The following ATP10A variants were observed in gnomAD, a reference collection of about 807,000 sequenced individuals.
The protein encoded by ATP10A is ATPase phospholipid transporting 10A (putative).
A neutral mutation model predicts 147.8 loss-of-function variants in ATP10A; 111 were observed. The observed-to-expected ratio is 0.75, with a 90% CI of 0.64 to 0.88. The LOEUF is 0.88. Among genes scored for constraint, ATP10A ranks in the 40% least tolerant of loss-of-function variants. The pLI, the probability that ATP10A is intolerant of heterozygous loss-of-function variation, is 0.00. For missense variants in ATP10A, 1,927 were observed against 1,959.0 expected, an observed-to-expected ratio of 0.98 and a Z score of 0.31; for synonymous variants, 875 against 841.6, an observed-to-expected ratio of 1.04 and a Z score of -0.69.
intron 1 of ATP10A, among the ~76,000 whole-genome samples, chr15:25,846,401 G>A (rs941726458): frequency 1.3e-5 from 2 of 152,190 alleles, no homozygotes; most frequent in African/African-American, 2.4e-5. Context: ...TGTGCCAGTG[G>A]AGCACAGCTC....
chr15:25,862,263 C>G (rs1490553678), intron 1 of ATP10A: 3 of 482,528 alleles, frequency 6.2e-6, no homozygotes, highest in Admixed American at 4.6e-5. Context: ...TGTGCCTGGC[C>G]GAAGACTGAG....
intron 1 of ATP10A, among the ~76,000 whole-genome samples, chr15:25,818,277 A>C (rs1448964743): frequency 2.0e-5 from 3 of 152,146 alleles, no homozygotes; most frequent in African/African-American, 7.2e-5. Context: ...AAAAGTCAAA[A>C]TATTTGCTCT....
intron 4 of ATP10A, among the ~76,000 whole-genome samples, chr15:25,726,465 G>T (rs536566139): frequency 2.0e-5 from 3 of 146,596 alleles, no homozygotes; most frequent in Non-Finnish European, 3.0e-5. Context: ...TTTTTGAGAT[G>T]GAGTCTTACT....
chr15:25,739,937 C>T (rs1887491634), intron 2 of ATP10A, among the ~76,000 whole-genome samples: 1 of 152,154 alleles, frequency 6.6e-6, no homozygotes, highest in African/African-American at 2.4e-5. Context: ...AGCAGGTGCT[C>T]CAGGGATGCC....
chr15:25,816,578 G>T (rs1470551264), intron 1 of ATP10A, among the ~76,000 whole-genome samples: 2 of 152,094 alleles, frequency 1.3e-5, no homozygotes, highest in South Asian at 2.1e-4. Context: ...CACAAGTACT[G>T]CCATTCCTTT....
chr15:25,721,358 G>A (rs928718032), intron 7 of ATP10A, among the ~76,000 whole-genome samples: 1 of 152,180 alleles, frequency 6.6e-6, no homozygotes, highest in African/African-American at 2.4e-5. Flanking sequence ...GGATGCCTTG[G>A]GAGTGAGCTC....
intron 2 of ATP10A, among the ~76,000 whole-genome samples, chr15:25,774,328 A>G (rs544038264): frequency 1.3e-5 from 2 of 152,350 alleles, no homozygotes; most frequent in Non-Finnish European, 2.9e-5. Context: ...TAATGCCAGC[A>G]CTTTGGGAGG....
At position 25,691,721 on chromosome 15, in the gene ATP10A, A is replaced by G. The variant is rs1900046177; in HGVS notation, c.3159T>C (p.Gly1053=). The G allele has an allele frequency of 6.2e-7, 1 of 1,614,000 alleles. No individual in the cohort carries two copies. Among genetic ancestry groups the G allele is most frequent in the Non-Finnish European group, 8.5e-7 (1 of 1,180,040 alleles). The change falls in exon 15 of 21, where the codon GGT becomes GGC. Residue 1053 remains glycine, a synonymous_variant. Coordinates refer to ENST00000555815, the MANE Select transcript of ATP10A (RefSeq NM_024490.4). ...DVGVGISGQE[G]MQAVMASDFA... is the part of the protein sequence containing the mutation. ...TAGCCTGATTGGTCTTTACCTGCAT[A>G]CCCTCCTGGCCGGAGATTCCCACAC...
intron 1 of ATP10A, among the ~76,000 whole-genome samples, chr15:25,823,421 T>C (rs78421783): frequency 0.018 from 2,719 of 152,306 alleles, 114 homozygotes; most frequent in East Asian, 0.14. Context: ...AAAAACAAAG[T>C]GGCCTGCACA....
In ATP10A at chr15:25,694,984, C is replaced by T. The variant is rs145254417; in HGVS notation, c.2923G>A (p.Asp975Asn). The T allele has an allele frequency of 7.4e-4, 1,189 of 1,614,184 alleles. 1 individual carries two copies. Among genetic ancestry groups the T allele is most frequent in the Non-Finnish European group, 9.6e-4 (1,127 of 1,180,036 alleles). The change falls in exon 14 of 21, where the codon GAT (aspartate) becomes AAT (asparagine). Residue 975 changes from aspartate to asparagine, a missense_variant. Physicochemically the swap from Asp to Asn is conservative, Grantham distance 23. Coordinates refer to ENST00000555815, the MANE Select transcript of ATP10A (RefSeq NM_024490.4). ...ASGRRPSLVI[D>N]GRSLAYALEK... Reference sequence around the variant, plus strand: ...AGAGCGTAGGCCAGGCTTCTCCCATCGATCACGAGGCTGGGTCTGCGGCCA... The same window carrying T: ...AGAGCGTAGGCCAGGCTTCTCCCATTGATCACGAGGCTGGGTCTGCGGCCA...
Position 25,686,321 on chromosome 15 carries a change from TA to T in ATP10A, c.3291+1381del, listed in dbSNP as rs1230022421. Among the ~76,000 whole-genome samples, 347 of 44,126 alleles carry T rather than the reference TA, an allele frequency of 7.9e-3. 37 individuals carry two copies. Among genetic ancestry groups the T allele is most frequent in the Admixed American group, 0.019 (76 of 4,038 alleles). 28.9% of individuals were successfully genotyped at this position (44,126 alleles called of 152,430 possible). On this transcript the variant is annotated intron_variant, in intron 16 of 20. Coordinates refer to ENST00000555815, the MANE Select transcript of ATP10A (RefSeq NM_024490.4). Reference sequence around the variant, plus strand: ...AAGTGAGACCCTGCCTCTACAAAATTAAAAAAAAAAAAAAATTAGATGTGCG... The same window carrying T: ...AAGTGAGACCCTGCCTCTACAAAATTAAAAAAAAAAAAAATTAGATGTGCG...
At chr15:25,844,772 CTGTGGCTTGCCG>C (rs1316870042) in intron 1 of ATP10A, among the ~76,000 whole-genome samples, 3 of 152,178 alleles carry the variant, frequency 2.0e-5, no homozygotes, top group Admixed American at 2.0e-4. Context: ...CTTGTGGACC[CTGTGGCTTGCCG>C]TCTGGGGACA....
At chr15:25,717,583 C>G (rs1450455357) in intron 8 of ATP10A, among the ~76,000 whole-genome samples, 1 of 152,188 alleles carries the variant, frequency 6.6e-6, no homozygotes, top group Non-Finnish European at 1.5e-5. Context: ...GTCCAAAACT[C>G]GAAATCAGCC....
At position 25,736,120 on chromosome 15, in the gene ATP10A, T is replaced by A. The variant is rs754302716; in HGVS notation, c.676A>T (p.Thr226Ser). The A allele has an allele frequency of 1.5e-5, 25 of 1,612,942 alleles. No homozygotes were observed. Among genetic ancestry groups the A allele is most frequent in the Non-Finnish European group, 2.0e-5 (24 of 1,179,986 alleles). Reference protein sequence around the residue: ...SELVSEFNPLTFTSVIECEKP... With the variant: ...SELVSEFNPLSFTSVIECEKP... ...TCGCATTCGATCACGCTGGTGAACGTCAAAGGATTGAATTCGGAGACCTAA... is the reference window on the plus strand; with the variant it reads ...TCGCATTCGATCACGCTGGTGAACGACAAAGGATTGAATTCGGAGACCTAA... The change falls in exon 3 of 21, where the codon ACG becomes TCG. Residue 226 changes from threonine (T) to serine (S), a missense_variant. Coordinates refer to ENST00000555815, the MANE Select transcript of ATP10A (RefSeq NM_024490.4).
chr15:25,702,316 C>T (rs1900716800), intron 12 of ATP10A, among the ~76,000 whole-genome samples: 1 of 152,242 alleles, frequency 6.6e-6, no homozygotes, highest in Non-Finnish European at 1.5e-5. Flanking sequence ...ACGCTTTTGA[C>T]AGCTCTGTCG....
intron 3 of ATP10A, among the ~76,000 whole-genome samples, chr15:25,729,017 A>G (rs555917573): frequency 6.6e-6 from 1 of 152,342 alleles, no homozygotes; most frequent in East Asian, 1.9e-4. Flanking sequence ...GCCCAGAAGC[A>G]CACAGGTACG....
intron 15 of ATP10A, 83 bp downstream of exon 15, chr15:25,691,632 A>C (rs1011902802): frequency 1.2e-5 from 17 of 1,384,580 alleles, no homozygotes; most frequent in Non-Finnish European, 9.3e-6. Flanking sequence ...AGCCCAGAGG[A>C]AGTCGGGGAC....
intron 3 of ATP10A, 29 bp downstream of exon 3, chr15:25,736,027 A>C (rs375453954): frequency 6.4e-7 from 1 of 1,561,362 alleles, no homozygotes. Context: ...AAACAGAAGG[A>C]TGCGCGCAGG....
intron 1 of ATP10A, among the ~76,000 whole-genome samples, chr15:25,815,554 G>T (rs533187809): frequency 3.5e-4 from 3 of 8,596 alleles, no homozygotes; most frequent in Non-Finnish European, 1.0e-3. Context: ...CTTTTTAGCA[G>T]ATGTTCTGCA....
Sources: allele counts gnomAD v4.1 joint callset (sites outside exome capture counted in the v4.1 genomes callset), GRCh38; gene constraint gnomAD v4.1.1; transcripts MANE v1.5; gene names NCBI Gene and HGNC (gene_info 2026-07-23, HGNC 2026-07-21).